The following RTN1 variants were observed in gnomAD, a reference collection of about 807,000 sequenced individuals.
RTN1 encodes the protein reticulon-1.
RTN1 carries 25 observed loss-of-function variants against 65.5 expected under a neutral mutation model. The observed-to-expected ratio is 0.38, with a 90% CI of 0.28 to 0.53. The LOEUF (loss-of-function observed/expected upper bound fraction) is 0.53. Ranked by LOEUF, RTN1 falls within the 20% of genes least tolerant of loss-of-function variation. RTN1 has a pLI of 0.79. For synonymous variants in RTN1, 471 were observed against 447.6 expected, an observed-to-expected ratio of 1.05 and a Z score of -0.66; for missense variants, 983 against 1,025.4, an observed-to-expected ratio of 0.96 and a Z score of 0.57.
intron 1 of RTN1, among the ~76,000 whole-genome samples, chr14:59,753,314 G>C (rs937753431): frequency 1.3e-5 from 2 of 152,130 alleles, no homozygotes; most frequent in Admixed American, 1.3e-4. Context: ...GTATGAAATT[G>C]GAAGGACCCC....
chr14:59,818,850 T>A (rs371171654), intron 1 of RTN1, among the ~76,000 whole-genome samples: 1 of 152,218 alleles, frequency 6.6e-6, no homozygotes, highest in Non-Finnish European at 1.5e-5. Flanking sequence ...TTTTTAATAA[T>A]AACCATTCTG....
chr14:59,869,313 C>G (rs533241794), intron 1 of RTN1, among the ~76,000 whole-genome samples: 48 of 151,958 alleles, frequency 3.2e-4, no homozygotes, highest in African/African-American at 1.1e-3. Flanking sequence ...GAGCACCCCC[C>G]ACCCCAGGCC....
chr14:59,664,829 T>A (rs1290072559), intron 3 of RTN1, among the ~76,000 whole-genome samples: 1 of 152,172 alleles, frequency 6.6e-6, no homozygotes, highest in Non-Finnish European at 1.5e-5. Flanking sequence ...TGTGCAAGCG[T>A]AAGTTTTTAT....
chr14:59,749,426 ATCTATATATATC>A (rs1885350280), intron 1 of RTN1, among the ~76,000 whole-genome samples: 1 of 100,892 alleles, frequency 9.9e-6, no homozygotes, highest in African/African-American at 4.3e-5. Flanking sequence ...ATATCTATAT[ATCTATATATATC>A]TATATCTATA....
chr14:59,727,255 A>C lies in RTN1; in HGVS notation c.1429T>G (p.Ser477Ala). 1 of 1,521,418 alleles carries C rather than the reference A, an allele frequency of 6.6e-7. No homozygotes were observed. Among genetic ancestry groups the C allele is most frequent in the South Asian group, 1.3e-5 (1 of 78,730 alleles). 94.2% of individuals were successfully genotyped at this position (1,521,418 alleles called of 1,614,324 possible). ...IIESCDASSA[S>A]EESPKREQDS... ...TGCTCCCGCTTGGGGCTCTCCTCCG[A>C]GGCCGAGGAGGCGTCGCACGACTCG... The change falls in exon 3 of 9, where the codon TCG (serine) becomes GCG (alanine). Residue 477 changes from serine (S) to alanine (A), a missense_variant. Ser to Ala is a moderately conservative substitution (Grantham distance 99). This residue lies in a region of RTN1 where 818 missense variants were observed against 801.8 expected (regional missense o/e 1.02). Coordinates refer to ENST00000267484, the MANE Select transcript of RTN1 (RefSeq NM_021136.3). The surrounding 1 kb of genome is among the most constrained non-coding windows in gnomAD (Gnocchi z 4.2).
intron 3 of RTN1, among the ~76,000 whole-genome samples, chr14:59,608,183 G>A (rs116037678): frequency 6.6e-6 from 1 of 152,274 alleles, no homozygotes; most frequent in African/African-American, 2.4e-5. Flanking sequence ...AACCCTTACT[G>A]AAGGATCTAT....
At chr14:59,704,500 A>G (rs944062618) in intron 3 of RTN1, among the ~76,000 whole-genome samples, 4 of 152,230 alleles carry the variant, frequency 2.6e-5, no homozygotes, top group African/African-American at 9.6e-5. Flanking sequence ...CACCAAAAAT[A>G]GCAAGCTTTT....
chr14:59,738,081 C>A (rs1281215604), intron 2 of RTN1, among the ~76,000 whole-genome samples: 1 of 152,120 alleles, frequency 6.6e-6, no homozygotes, highest in Non-Finnish European at 1.5e-5. Flanking sequence ...TAGGCAATAC[C>A]ATTCAGGACA....
At chr14:59,797,246 T>C (rs1487248855) in intron 1 of RTN1, among the ~76,000 whole-genome samples, 1 of 152,200 alleles carries the variant, frequency 6.6e-6, no homozygotes, top group Non-Finnish European at 1.5e-5. Flanking sequence ...TTTGAGCAAC[T>C]TCTATAAGCA....
intron 2 of RTN1, among the ~76,000 whole-genome samples, chr14:59,728,313 A>G (rs115700564): frequency 0.026 from 3,853 of 145,716 alleles, 152 homozygotes; most frequent in African/African-American, 0.094. Context: ...ACTTCTGCCA[A>G]TTCCACCAAG....
Position 59,596,644 on chromosome 14 carries a change from G to T in RTN1, c.*101C>A. On this transcript the variant is annotated 3_prime_UTR_variant, in exon 9 of 9. Coordinates refer to ENST00000267484, the MANE Select transcript of RTN1 (RefSeq NM_021136.3). ...TTGTCTCTAAGATTATGGTACTGGA[G>T]GGAGGGGGGAAAGACAATCAATTTG... 1.1e-6 allele frequency: 1 copy of T among 902,968 alleles called. No homozygotes were observed. The highest frequency in any genetic ancestry group is 1.9e-6 in the Non-Finnish European group (1 of 535,386). 55.9% of individuals were successfully genotyped at this position (902,968 alleles called of 1,614,324 possible).
chr14:59,782,137 C>A (rs891126282), intron 1 of RTN1, among the ~76,000 whole-genome samples: 3 of 152,118 alleles, frequency 2.0e-5, no homozygotes, highest in Admixed American at 2.0e-4. Flanking sequence ...TGGGTCCTCA[C>A]CAGACACCAA....
intron 1 of RTN1, among the ~76,000 whole-genome samples, chr14:59,819,164 CAG>C (rs1886876284): frequency 6.6e-6 from 1 of 152,060 alleles, no homozygotes; most frequent in South Asian, 2.1e-4. Context: ...CAGACCTTCA[CAG>C]TGTGTGTTAT....
At chr14:59,611,734 C>T (rs997602565) in intron 3 of RTN1, among the ~76,000 whole-genome samples, 5 of 152,084 alleles carry the variant, frequency 3.3e-5, no homozygotes, top group South Asian at 2.1e-4. Flanking sequence ...AGGAAGATTT[C>T]GAGGAGGTTT....
chr14:59,653,331 G>A (rs1348915334), intron 3 of RTN1, among the ~76,000 whole-genome samples: 4 of 152,120 alleles, frequency 2.6e-5, no homozygotes, highest in Non-Finnish European at 5.9e-5. Flanking sequence ...AACTGAAGGT[G>A]AAATAAAGAC....
At chr14:59,809,851 T>C (rs1479063983) in intron 1 of RTN1, among the ~76,000 whole-genome samples, 1 of 152,182 alleles carries the variant, frequency 6.6e-6, no homozygotes, top group Non-Finnish European at 1.5e-5. Flanking sequence ...GGCCGATTTT[T>C]GTGCTTTTTT....
chr14:59,727,838 A>G lies in RTN1; in HGVS notation c.1016-170T>C, dbSNP rs1884813857. On this transcript the variant is annotated intron_variant, in intron 2 of 8. Transcript: ENST00000267484. This position sits in a 1 kb window ranked among gnomAD's most constrained non-coding sequence, Gnocchi z 4.2. ...TAATCTGTTTCCAGGGCTATGCTGGAAAGACAGGCCACCTGAACTAAAAGG... is the reference window on the plus strand; with the variant it reads ...TAATCTGTTTCCAGGGCTATGCTGGGAAGACAGGCCACCTGAACTAAAAGG... The G allele has an allele frequency of 2.1e-6, 2 of 957,168 alleles. No homozygotes were observed. Among genetic ancestry groups the G allele is most frequent in the Non-Finnish European group, 2.9e-6 (2 of 681,560 alleles). The allele number at this position is 957,168 out of a possible 1,614,324, so 59.3% of individuals were successfully genotyped here. A position where few individuals can be genotyped will look rare whatever the true frequency, so the allele number is the denominator to read the frequency against.
At chr14:59,640,903 C>T (rs1342132486) in intron 3 of RTN1, among the ~76,000 whole-genome samples, 1 of 151,210 alleles carries the variant, frequency 6.6e-6, no homozygotes, top group Non-Finnish European at 1.5e-5. Context: ...TATTTCTTTT[C>T]TTTTGCTTTA....
intron 1 of RTN1, among the ~76,000 whole-genome samples, chr14:59,780,589 G>T (rs1199696611): frequency 6.6e-6 from 1 of 152,146 alleles, no homozygotes; most frequent in Non-Finnish European, 1.5e-5. Context: ...GAAAGCAAGA[G>T]CCAAGGTCTA....
Sources: allele counts gnomAD v4.1 joint callset (sites outside exome capture counted in the v4.1 genomes callset), GRCh38; gene constraint gnomAD v4.1.1; regional missense constraint gnomAD v4.1.1; non-coding constraint Gnocchi (gnomAD v3.1); transcripts MANE v1.5; gene names NCBI Gene and HGNC (gene_info 2026-07-23, HGNC 2026-07-21).